Variants in ZNF512 observed in about 807,000 individuals in gnomAD.
The protein encoded by ZNF512 is zinc finger protein 512.
ZNF512 carries 25 observed loss-of-function variants against 77.5 expected under a neutral mutation model. The observed-to-expected ratio is 0.32, with a 90% CI of 0.23 to 0.45. The LOEUF (loss-of-function observed/expected upper bound fraction) is 0.45. Ranked by LOEUF, ZNF512 falls within the 20% of genes least tolerant of loss-of-function variation. The probability of loss-of-function intolerance (pLI) is 1.00; values close to 1 mark genes in which losing one functional copy is unlikely to be tolerated. For synonymous variants in ZNF512, 246 were observed against 239.9 expected (o/e 1.03, Z -0.24); for missense variants, 483 against 692.6 (o/e 0.70, Z 3.40).
chr2:27,617,230 G>T (rs1385970941), intron 12 of ZNF512: 1 of 397,070 alleles, frequency 2.5e-6, no homozygotes, highest in East Asian at 4.2e-5. Context: ...GAAAAAGTAG[G>T]AGACTTTCAG....
intron 7 of ZNF512, among the ~76,000 whole-genome samples, chr2:27,602,138 T>G (rs1376402627): frequency 6.7e-6 from 1 of 149,336 alleles, no homozygotes; most frequent in Non-Finnish European, 1.5e-5. Context: ...GGCTTTGGGA[T>G]TTTATAAGGG....
At chr2:27,597,649 C>G (rs1671933008) in intron 2 of ZNF512, among the ~76,000 whole-genome samples, 1 of 152,234 alleles carries the variant, frequency 6.6e-6, no homozygotes, top group Admixed American at 6.5e-5. Flanking sequence ...TTAGGGCCCA[C>G]AGACTATTCC....
chr2:27,610,650 G>T (rs1283152777), intron 10 of ZNF512, among the ~76,000 whole-genome samples: 2 of 128,530 alleles, frequency 1.6e-5, no homozygotes, highest in African/African-American at 2.9e-5. Context: ...GCGTGATCTC[G>T]GTTCACTGCA....
chr2:27,583,279 C>A (rs991887764), intron 1 of ZNF512, 137 bp downstream of exon 1: 14 of 1,383,682 alleles, frequency 1.0e-5, no homozygotes, highest in Non-Finnish European at 1.3e-5. Context: ...GATCAGATCA[C>A]CTGTCCCTTT....
At chr2:27,587,178 A>T (rs1671366193) in intron 2 of ZNF512, among the ~76,000 whole-genome samples, 1 of 151,626 alleles carries the variant, frequency 6.6e-6, no homozygotes, top group South Asian at 2.1e-4. Context: ...ATTATTTTGC[A>T]TTCCTACCAG....
chr2:27,602,429 A>T lies in ZNF512; in HGVS notation c.670-34A>T, dbSNP rs766443864. ...TTCCCTGTGTCTTATCTTTTCCATG[A>T]ATCATCTTCTTGTTTACTTCTCTTG... is the stretch of plus-strand genomic sequence containing the variant. On this transcript the variant is annotated intron_variant, in intron 7 of 13. Coordinates refer to ENST00000355467, the MANE Select transcript of ZNF512 (RefSeq NM_032434.4). 2.5e-5 allele frequency: 40 copies of T among 1,592,820 alleles called. No individual in the cohort carries two copies. The Middle Eastern group carries it at 1.3e-3, about 53-fold the overall frequency.
chr2:27,598,203 T>G lies in ZNF512; in HGVS notation c.226T>G (p.Tyr76Asp), dbSNP rs778960129. The G allele has an allele frequency of 8.7e-6, 14 of 1,614,156 alleles. No homozygotes were observed. In the East Asian group the frequency reaches 2.9e-4, roughly 33 times the overall value. Residue 76 changes from tyrosine to aspartate, a missense_variant, in exon 3 of 14, where the codon TAC (tyrosine) becomes GAC (aspartate). Physicochemically the swap from Tyr to Asp is radical, Grantham distance 160. Around this residue, in one of 2 missense-constraint regions of ZNF512, gnomAD observed 159 missense variants for 167.5 expected, o/e 0.95. Transcript: ENST00000355467. ...DFPASFRKSTYWMKMRRIKPA... is the reference protein window; with the variant it reads ...DFPASFRKSTDWMKMRRIKPA... The stretch of plus-strand genomic sequence containing the variant: ...TCCAGCATCTTTCCGAAAATCTACC[T>G]ACTGGATGAAGATGAGAAGAATCAA...
At chr2:27,618,236 C>G (rs972181460) in intron 13 of ZNF512, among the ~76,000 whole-genome samples, 5 of 152,148 alleles carry the variant, frequency 3.3e-5, no homozygotes, top group African/African-American at 1.2e-4. Context: ...CTTCTAATTC[C>G]TTTAAATCCA....
intron 2 of ZNF512, among the ~76,000 whole-genome samples, chr2:27,596,973 T>C (rs542357101): frequency 6.6e-6 from 1 of 152,374 alleles, no homozygotes; most frequent in South Asian, 2.1e-4. Flanking sequence ...TGAACTGACA[T>C]TGTGCTAGAG....
Position 27,615,283 on chromosome 2 carries a change from A to G in ZNF512, c.1233+14A>G, listed in dbSNP as rs1474781486. The G allele has an allele frequency of 6.7e-7, 1 of 1,489,588 alleles. No homozygotes were observed. Among genetic ancestry groups the G allele is most frequent in the East Asian group, 2.4e-5 (1 of 42,334 alleles). 92.3% of individuals were successfully genotyped at this position (1,489,588 alleles called of 1,614,324 possible). ...TGTCCTAACCAGGTGGTTCTTTCTCATTCATTTATTCAGTAAATGTTTATC... is the reference window on the plus strand; with the variant it reads ...TGTCCTAACCAGGTGGTTCTTTCTCGTTCATTTATTCAGTAAATGTTTATC... On this transcript the variant is annotated intron_variant, in intron 11 of 13. Transcript: ENST00000355467.
At position 27,612,462 on chromosome 2, in the gene ZNF512, G is replaced by C. The variant is rs538856678; in HGVS notation, c.1132-2706G>C. Among the ~76,000 whole-genome samples the C allele has an allele frequency of 7.9e-5, 12 of 151,732 alleles. 1 individual carries two copies. The highest frequency in any genetic ancestry group is 1.2e-4 in the African/African-American group (5 of 41,374). ...TTGGTGGATAGAGTTAGGATATAAA[G>C]GCATGTATAGTCATACATGCACACA... On this transcript the variant is annotated intron_variant, in intron 10 of 13. Coordinates refer to ENST00000355467, the MANE Select transcript of ZNF512 (RefSeq NM_032434.4).
rs1673113996 is a variant in ZNF512, at chr2:27,621,297, C to A, written c.1540C>A (p.Leu514Ile). The A allele has an allele frequency of 6.2e-7, 1 of 1,614,052 alleles. No individual in the cohort carries two copies. Among genetic ancestry groups the A allele is most frequent in the South Asian group, 1.1e-5 (1 of 91,082 alleles). Reference sequence around the variant, plus strand: ...AAGGCGGCAGCAGCCTGGCATTGAGCTTCCCGAGACAGAGCTGAGTCTTAG... The same window carrying A: ...AAGGCGGCAGCAGCCTGGCATTGAGATTCCCGAGACAGAGCTGAGTCTTAG... ...LRRRQQPGIE[L>I]PETELSLRVG... is the part of the protein sequence containing the mutation. The change falls in exon 14 of 14, where the codon CTT becomes ATT. Residue 514 changes from leucine to isoleucine, a missense_variant. Coordinates refer to ENST00000355467, the MANE Select transcript of ZNF512 (RefSeq NM_032434.4).
At chr2:27,600,950 C>G in intron 6 of ZNF512, 135 bp downstream of exon 6, 2 of 1,206,000 alleles carry the variant, frequency 1.7e-6, no homozygotes, top group Non-Finnish European at 2.2e-6. Context: ...GGCTTTGGAT[C>G]TGACAGAGTT....
chr2:27,606,729 T>C (rs1009788262), intron 9 of ZNF512, among the ~76,000 whole-genome samples: 3 of 152,188 alleles, frequency 2.0e-5, no homozygotes, highest in African/African-American at 7.2e-5. Flanking sequence ...AACACACATT[T>C]ATTATCTCAC....
At chr2:27,588,185 G>T (rs1438913718) in intron 2 of ZNF512, among the ~76,000 whole-genome samples, 1 of 151,888 alleles carries the variant, frequency 6.6e-6, no homozygotes, top group Non-Finnish European at 1.5e-5. Flanking sequence ...AGAGCAAAAG[G>T]TTTAAATTTA....
intron 9 of ZNF512, among the ~76,000 whole-genome samples, chr2:27,606,336 C>T (rs1278677088): frequency 6.6e-6 from 1 of 150,794 alleles, no homozygotes; most frequent in East Asian, 1.9e-4. Context: ...TCTAAGAAAT[C>T]TTTGCTTAAC....
rs115414595 is a variant in ZNF512 at position 27,599,084 on chromosome 2, G to A, written c.278-499G>A. On this transcript the variant is annotated intron_variant, in intron 3 of 13. Coordinates refer to ENST00000355467, the MANE Select transcript of ZNF512 (RefSeq NM_032434.4). Reference sequence around the variant, plus strand: ...TTGAACTCCTGACCTCAGGTAATCCGCCCACTTTGGCCAAAGTCTGTAATC... The same window carrying A: ...TTGAACTCCTGACCTCAGGTAATCCACCCACTTTGGCCAAAGTCTGTAATC... 9.2e-3 allele frequency among the ~76,000 whole-genome samples: 1,400 copies of A among 152,116 alleles called. 20 individuals are homozygous for A. The highest frequency in any genetic ancestry group is 0.032 in the African/African-American group (1,334 of 41,508).
rs756924357 is a variant in ZNF512, at chr2:27,621,468, A to C, written c.*7A>C. The C allele has an allele frequency of 1.3e-6, 2 of 1,599,048 alleles. No individual in the cohort carries two copies. The highest frequency in any genetic ancestry group is 1.7e-5 in the Admixed American group (1 of 59,214). ...TAAACGAGGAAGGAAATAGGCAGTC[A>C]GTGTAAAAGTGCTCCTAGGAAAGCA... On this transcript the variant is annotated 3_prime_UTR_variant, in exon 14 of 14. Transcript: ENST00000355467.
At chr2:27,600,994 T>C (rs1672093201) in intron 6 of ZNF512, among the ~76,000 whole-genome samples, 179 bp downstream of exon 6, 1 of 152,248 alleles carries the variant, frequency 6.6e-6, no homozygotes, top group Non-Finnish European at 1.5e-5. Context: ...CATACTAGTG[T>C]GGCATTTAGC....
Sources: gnomAD v4.1 joint callset for allele counts (sites outside exome capture counted in the v4.1 genomes callset) on GRCh38, gnomAD v4.1.1 for gene constraint, gnomAD v4.1.1 regional missense constraint, MANE v1.5 for transcripts, NCBI Gene and HGNC (gene_info 2026-07-23, HGNC 2026-07-21) for gene names.